Variants in GRB10 observed in about 807,000 individuals in gnomAD.
The protein encoded by GRB10 is growth factor receptor-bound protein 10.
Under a neutral mutation model 80.9 loss-of-function variants are expected in GRB10, and 20 were observed. The observed-to-expected ratio is 0.25, with a 90% CI of 0.17 to 0.36. The LOEUF (loss-of-function observed/expected upper bound fraction) is 0.36. GRB10 is among the 10% of genes least tolerant of loss of function. The pLI is 1.00. For synonymous variants in GRB10, 291 were observed against 291.5 expected (o/e 1.00, Z 0.02); for missense variants, 548 against 747.7 (o/e 0.73, Z 3.12).
rs760537002 is a variant in GRB10 at position 50,614,828 on chromosome 7, G to C, written c.1037C>G (p.Ser346Cys). 2 of 1,613,952 alleles carry C rather than the reference G, an allele frequency of 1.2e-6. No individual in the cohort carries two copies. The highest frequency in any genetic ancestry group is 1.3e-5 in the African/African-American group (1 of 74,888). Residue 346 changes from serine to cysteine, a missense_variant, in exon 12 of 19, where the codon TCC becomes TGC. By Grantham distance (112) the Ser-to-Cys change is moderately radical (BLOSUM62 -1). This residue lies in a region of GRB10 where 270 missense variants were observed against 433.6 expected (regional missense o/e 0.62). Coordinates refer to ENST00000401949, the MANE Select transcript of GRB10 (RefSeq NM_001350814.2). The stretch of plus-strand genomic sequence containing the variant: ...GTACTGCTTCCTGCCAGCGATCAGG[G>C]AGAAGATGTTGCTGTCCTCCAGGTC... ...LADLEDSNIFSLIAGRKQYNA... is the reference protein window; with the variant it reads ...LADLEDSNIFCLIAGRKQYNA...
intron 12 of GRB10, among the ~76,000 whole-genome samples, chr7:50,613,606 T>G (rs2049979153): frequency 6.6e-6 from 1 of 152,078 alleles, no homozygotes; most frequent in South Asian, 2.1e-4. Flanking sequence ...GGGACAGGTG[T>G]GACTACCCTG....
intron 7 of GRB10, among the ~76,000 whole-genome samples, chr7:50,632,493 A>T (rs552858056): frequency 1.0e-3 from 156 of 152,316 alleles, no homozygotes; most frequent in Admixed American, 3.5e-3. Context: ...CACTGTCTGA[A>T]CACAGCAAAG....
At chr7:50,655,256 T>C (rs1419368168) in intron 7 of GRB10, among the ~76,000 whole-genome samples, 1 of 152,200 alleles carries the variant, frequency 6.6e-6, no homozygotes, top group Non-Finnish European at 1.5e-5. Context: ...GACATCAGTG[T>C]GGCTCACCTG....
rs138586479 is a variant in GRB10, at chr7:50,766,432, C to A, written c.-216-10376G>T. 2.0e-3 allele frequency among the ~76,000 whole-genome samples: 299 copies of A among 152,094 alleles called. 1 individual carries two copies. The highest frequency in any genetic ancestry group is 7.0e-3 in the African/African-American group (289 of 41,482). On this transcript the variant is annotated intron_variant, in intron 2 of 18. Transcript: ENST00000401949. ...TATTTTCTTTTCTTTTTCTTCCTTT[C>A]TTTTCCTTTTCTTCTTCCCTTAAAG...
At chr7:50,612,540 C>T (rs969466815) in intron 13 of GRB10, among the ~76,000 whole-genome samples, 2 of 152,140 alleles carry the variant, frequency 1.3e-5, no homozygotes, top group African/African-American at 4.8e-5. Context: ...CCTAGCTCTA[C>T]CCTGTTTAAT....
At chr7:50,767,622 A>T (rs1189346528) in intron 2 of GRB10, among the ~76,000 whole-genome samples, 1 of 152,028 alleles carries the variant, frequency 6.6e-6, no homozygotes, top group Non-Finnish European at 1.5e-5. Flanking sequence ...CTCCATACCT[A>T]CAAGAGTCCC....
rs1282521761 is a variant in GRB10 at position 50,645,601 on chromosome 7, C to T, written c.505-18623G>A. ...GAAACTGACTGTGCACATCTTACCC[C>T]CATCCTCCAATCGCCCGGAGTTCTC... is the stretch of plus-strand genomic sequence containing the variant. On this transcript the variant is annotated intron_variant, in intron 7 of 18. Coordinates refer to ENST00000401949, the MANE Select transcript of GRB10 (RefSeq NM_001350814.2). 8 of 985,220 alleles carry T rather than the reference C, an allele frequency of 8.1e-6. No homozygotes were observed. The African/African-American group carries it at 1.4e-4, about 17-fold the overall frequency. 61.0% of individuals were successfully genotyped at this position (985,220 alleles called of 1,614,324 possible). A position where few individuals can be genotyped will look rare whatever the true frequency, so the allele number is the denominator to read the frequency against.
intron 10 of GRB10, chr7:50,617,773 C>T (rs2050923432): frequency 6.3e-6 from 3 of 474,948 alleles, no homozygotes; most frequent in South Asian, 4.6e-5. Context: ...TTTCTCCATG[C>T]ACCCCCTGGC....
intron 4 of GRB10, chr7:50,710,975 A>G: frequency 2.1e-6 from 3 of 1,414,314 alleles, no homozygotes; most frequent in Non-Finnish European, 3.0e-6. Context: ...TGCCCTGTGC[A>G]CAATATTTTC....
At chr7:50,661,568 C>T (rs1586544851) in intron 7 of GRB10, among the ~76,000 whole-genome samples, 1 of 152,216 alleles carries the variant, frequency 6.6e-6, no homozygotes, top group Non-Finnish European at 1.5e-5. Flanking sequence ...ACTTTTTCTT[C>T]ACCGGCACTC....
chr7:50,602,300 G>A (rs2047747014), intron 17 of GRB10, among the ~76,000 whole-genome samples: 1 of 152,222 alleles, frequency 6.6e-6, no homozygotes, highest in Non-Finnish European at 1.5e-5. Context: ...ACCATGTGGT[G>A]GACGGGGACG....
At chr7:50,604,398 T>G in intron 15 of GRB10, 21 bp from the exon 16 acceptor site, 1 of 1,600,628 alleles carries the variant, frequency 6.2e-7, no homozygotes, top group Non-Finnish European at 8.6e-7. Flanking sequence ...AATCCCACAT[T>G]AGCACCGAGG....
intron 7 of GRB10, among the ~76,000 whole-genome samples, chr7:50,659,923 G>A (rs1338430719): frequency 1.3e-5 from 2 of 152,158 alleles, no homozygotes; most frequent in Non-Finnish European, 2.9e-5. Context: ...CTGTCGTCTG[G>A]GGCACTGCTG....
At chr7:50,660,705 G>A (rs2059175267) in intron 7 of GRB10, among the ~76,000 whole-genome samples, 1 of 152,198 alleles carries the variant, frequency 6.6e-6, no homozygotes, top group South Asian at 2.1e-4. Context: ...TAGAGATGCA[G>A]GTGTGAGGGG....
chr7:50,688,270 C>T (rs1405368792), intron 5 of GRB10, among the ~76,000 whole-genome samples: 1 of 152,190 alleles, frequency 6.6e-6, no homozygotes, highest in Non-Finnish European at 1.5e-5. Flanking sequence ...AACATGATCC[C>T]TGGGCTTAAG....
intron 5 of GRB10, among the ~76,000 whole-genome samples, chr7:50,693,795 G>C (rs1415386970): frequency 6.6e-6 from 1 of 152,104 alleles, no homozygotes; most frequent in Non-Finnish European, 1.5e-5. Flanking sequence ...GACAGACACA[G>C]AAGGCACAGA....
chr7:50,605,068 C>T (rs1435033021), intron 15 of GRB10: 2 of 580,956 alleles, frequency 3.4e-6, no homozygotes, highest in Non-Finnish European at 3.1e-6. Flanking sequence ...CTGTCCCTTC[C>T]ATGAAAGCCC....
chr7:50,627,552 C>G (rs2053163471), intron 7 of GRB10, among the ~76,000 whole-genome samples: 1 of 152,160 alleles, frequency 6.6e-6, no homozygotes, highest in Admixed American at 6.5e-5. Flanking sequence ...ATAATAAAAA[C>G]ATAGTCACAA....
At chr7:50,614,248 G>A (rs1279326971) in intron 12 of GRB10, among the ~76,000 whole-genome samples, 1 of 152,224 alleles carries the variant, frequency 6.6e-6, no homozygotes, top group Non-Finnish European at 1.5e-5. Flanking sequence ...ATACATGTAT[G>A]TATGCACGTG....
Sources: allele counts gnomAD v4.1 joint callset (sites outside exome capture counted in the v4.1 genomes callset), GRCh38; gene constraint gnomAD v4.1.1; regional missense constraint gnomAD v4.1.1; transcripts MANE v1.5; gene names NCBI Gene and HGNC (gene_info 2026-07-23, HGNC 2026-07-21).